Variants in IDI2 observed in about 807,000 individuals in gnomAD.
The protein encoded by IDI2 is isopentenyl-diphosphate delta isomerase 2, also known as isopentenyl-diphosphate delta-isomerase 2.
A neutral mutation model predicts 14.8 loss-of-function variants in IDI2; 18 were observed. The observed-to-expected ratio is 1.22, with a 90% confidence interval of 0.84 to 1.80. IDI2 has a LOEUF of 1.80. Ranked by LOEUF, IDI2 falls within the 40% of genes most tolerant of loss-of-function variation. The pLI is 0.00. For synonymous variants in IDI2, 133 were observed against 109.6 expected (o/e 1.21, Z -1.33); for missense variants, 316 against 283.2 (o/e 1.12, Z -0.83).
At chr10:1,024,202 A>C (rs1026066454) in intron 2 of IDI2, among the ~76,000 whole-genome samples, 1 of 152,192 alleles carries the variant, frequency 6.6e-6, no homozygotes, top group Non-Finnish European at 1.5e-5. Flanking sequence ...TTCTGGCTAC[A>C]CCGACCTAAC....
In IDI2 at chr10:1,024,577, G is replaced by T; in HGVS notation, c.142+5C>A. 2 of 1,613,886 alleles carry T rather than the reference G, an allele frequency of 1.2e-6. No individual in the cohort carries two copies. Among genetic ancestry groups the T allele is most frequent in the Non-Finnish European group, 1.7e-6 (2 of 1,179,928 alleles). On this transcript the variant is annotated splice_donor_5th_base_variant and intron_variant, in intron 2 of 4. Transcript: ENST00000277517. The stretch of plus-strand genomic sequence containing the variant: ...AACTGGACAGAGAAAATGGGCGGGG[G>T]CTACCTTTCTCAATGTTTTCGTTCA...
rs200602418 is a variant in IDI2, at chr10:1,024,543, A to G, written c.142+39T>C. On this transcript the variant is annotated intron_variant, in intron 2 of 4. Transcript: ENST00000277517. The stretch of plus-strand genomic sequence containing the variant: ...TGCCGTCGGGTGGGAAAAATGGGAA[A>G]ACCCTGGGAACTGGACAGAGAAAAT... 1.8e-4 allele frequency: 294 copies of G among 1,604,526 alleles called. No individual in the cohort carries two copies. The South Asian group carries it at 3.0e-3, about 17-fold the overall frequency.
intron 2 of IDI2, 57 bp downstream of exon 2, chr10:1,024,525 G>A (rs539561857): frequency 3.8e-5 from 61 of 1,591,880 alleles, no homozygotes; most frequent in African/African-American, 1.1e-4. Context: ...GGTTGCCGTC[G>A]GGTGGGAAAA....
rs759042155 is a variant in IDI2 at position 1,019,551 on chromosome 10, G to A, written c.650C>T (p.Pro217Leu). The change falls in exon 5 of 5, where the codon CCG becomes CTG. Residue 217 changes from proline (P) to leucine (L), a missense_variant. Pro to Leu is a moderately conservative substitution (Grantham distance 98, BLOSUM62 -3). Coordinates refer to ENST00000277517, the MANE Select transcript of IDI2 (RefSeq NM_033261.3). ...RWWPHLDDVT[P>L]FVELHKIHRV ...GTGTATTTTGTGAAGCTCCACAAAC[G>A]GGGTCACGTCATCCAGGTGAGGCCA... 9 of 1,613,386 alleles carry A rather than the reference G, an allele frequency of 5.6e-6. No individual in the cohort carries two copies. The highest frequency in any genetic ancestry group is 5.3e-5 in the African/African-American group (4 of 74,840).
In IDI2 at chr10:1,020,766, C is replaced by A; in HGVS notation, c.366+1G>T. On this transcript the variant is annotated splice_donor_variant, in intron 4 of 4. Transcript: ENST00000277517. LOFTEE classifies it high-confidence loss of function. Reference sequence around the variant, plus strand: ...CAGCTGAGACTGGATGCTGTGTGTACCTGCTCCCCAGGAATTCCCAGCTCT... The same window carrying A: ...CAGCTGAGACTGGATGCTGTGTGTAACTGCTCCCCAGGAATTCCCAGCTCT... 6.2e-7 allele frequency: 1 copy of A among 1,610,298 alleles called. No homozygotes were observed. The highest frequency in any genetic ancestry group is 8.5e-7 in the Non-Finnish European group (1 of 1,178,738).
chr10:1,019,725 AC>A lies in IDI2; in HGVS notation c.475del (p.Val159SerfsTer3), dbSNP rs1589035628. The part of the protein sequence containing the change: ...ICYLLLVRKN[V>X]TLNPDPSETK... ...TTCACTGGGATCCGGGTTCAGAGTG[AC>A]GTTTTTCCTCACAAGCAGAAGGTAA... On this transcript the variant is annotated frameshift_variant, in exon 5 of 5. Transcript: ENST00000277517. LOFTEE classifies it low-confidence loss of function (END_TRUNC). The A allele has an allele frequency of 6.2e-7, 1 of 1,613,922 alleles. No individual in the cohort carries two copies. Among genetic ancestry groups the A allele is most frequent in the East Asian group, 2.2e-5 (1 of 44,832 alleles).
chr10:1,022,431 G>T (rs1011374590), intron 3 of IDI2, among the ~76,000 whole-genome samples: 2 of 152,054 alleles, frequency 1.3e-5, no homozygotes, highest in African/African-American at 4.8e-5. Context: ...GTAACTTGCC[G>T]TTGCAAAGAA....
chr10:1,023,876 A>G (rs1832163691), intron 2 of IDI2, among the ~76,000 whole-genome samples: 1 of 152,246 alleles, frequency 6.6e-6, no homozygotes, highest in Non-Finnish European at 1.5e-5. Context: ...ATATCCCAAA[A>G]TGCCCTATTT....
At chr10:1,020,250 G>C (rs1441522091) in intron 4 of IDI2, among the ~76,000 whole-genome samples, 1 of 150,294 alleles carries the variant, frequency 6.7e-6, no homozygotes, top group Non-Finnish European at 1.5e-5. Flanking sequence ...TTGAGATGGA[G>C]TCTCGCTCTG....
At chr10:1,023,102 C>T (rs1233445312) in intron 2 of IDI2, among the ~76,000 whole-genome samples, 1 of 152,206 alleles carries the variant, frequency 6.6e-6, no homozygotes, top group East Asian at 1.9e-4. Flanking sequence ...GATATGAGAT[C>T]AACCTGTGTC....
At chr10:1,024,925 C>G (rs1832185870) in intron 1 of IDI2, among the ~76,000 whole-genome samples, 181 bp from the exon 2 acceptor site, 1 of 151,956 alleles carries the variant, frequency 6.6e-6, no homozygotes, top group African/African-American at 2.4e-5. Flanking sequence ...TGTGGTGTCT[C>G]TCTGAACGGG....
intron 3 of IDI2, among the ~76,000 whole-genome samples, chr10:1,022,384 C>T (rs1276097874): frequency 1.3e-5 from 2 of 152,106 alleles, no homozygotes; most frequent in African/African-American, 2.4e-5. Flanking sequence ...ATTTTAATCC[C>T]CTAAATCCTT....
Position 1,020,909 on chromosome 10 carries a change from G to A in IDI2, c.236-12C>T, listed in dbSNP as rs775763082. Reference sequence around the variant, plus strand: ...GTCGGTAAAATACCCTGGAAAAAATGCATGTGGGAACATCCCTCTTTATTC... The same window carrying A: ...GTCGGTAAAATACCCTGGAAAAAATACATGTGGGAACATCCCTCTTTATTC... On this transcript the variant is annotated splice_polypyrimidine_tract_variant and intron_variant, in intron 3 of 4. Transcript: ENST00000277517. 3 of 1,606,866 alleles carry A rather than the reference G, an allele frequency of 1.9e-6. No individual in the cohort carries two copies. Among genetic ancestry groups the A allele is most frequent in the Non-Finnish European group, 2.5e-6 (3 of 1,177,298 alleles).
At chr10:1,019,877 A>G in intron 4 of IDI2, 43 bp from the exon 5 acceptor site, 1 of 1,337,434 alleles carries the variant, frequency 7.5e-7, no homozygotes, top group Admixed American at 1.8e-5. Context: ...GCTAATGTAA[A>G]ACACAGAATT....
Position 1,020,886 on chromosome 10 carries a change from C to T in IDI2, c.247G>A (p.Asp83Asn), listed in dbSNP as rs758161570. ...TATAATGGGTGGCTACTACAGGAGT[C>T]GGTAAAATACCCTGGAAAAAATGCA... ...TKVTFPGYFT[D>N]SCSSHPLYNP... The change falls in exon 4 of 5, where the codon GAC (aspartate) becomes AAC (asparagine). Residue 83 changes from aspartate to asparagine, a missense_variant. Asp to Asn is a conservative substitution (Grantham distance 23, BLOSUM62 1). Coordinates refer to ENST00000277517, the MANE Select transcript of IDI2 (RefSeq NM_033261.3). 25 of 1,611,042 alleles carry T rather than the reference C, an allele frequency of 1.6e-5. No homozygotes were observed. The highest frequency in any genetic ancestry group is 8.9e-5 in the East Asian group (4 of 44,874).
intron 3 of IDI2, 120 bp from the exon 4 acceptor site, chr10:1,021,017 G>C: frequency 1.7e-6 from 2 of 1,150,676 alleles, no homozygotes; most frequent in Admixed American, 2.4e-5. Flanking sequence ...AGCCTGGCGG[G>C]GGGAGTGGGT....
At chr10:1,025,128 A>G (rs1832192960) in intron 1 of IDI2, among the ~76,000 whole-genome samples, 1 of 152,016 alleles carries the variant, frequency 6.6e-6, no homozygotes, top group Non-Finnish European at 1.5e-5. Flanking sequence ...GTGCAAAACC[A>G]CTGGACCTGG....
chr10:1,020,705 C>T, intron 4 of IDI2, 62 bp downstream of exon 4: 1 of 1,367,136 alleles, frequency 7.3e-7, no homozygotes, highest in South Asian at 2.0e-5. Context: ...ACTTTGTTCA[C>T]CGTCTGCCCG....
At chr10:1,023,834 C>T (rs1471102617) in intron 2 of IDI2, among the ~76,000 whole-genome samples, 2 of 152,118 alleles carry the variant, frequency 1.3e-5, no homozygotes, top group African/African-American at 4.8e-5. Context: ...ATGTTCCCAA[C>T]ACAAAGATAT....
Sources: allele counts gnomAD v4.1 joint callset (sites outside exome capture counted in the v4.1 genomes callset), GRCh38; gene constraint gnomAD v4.1.1; transcripts MANE v1.5; gene names NCBI Gene and HGNC (gene_info 2026-07-23, HGNC 2026-07-21).